SP4: variants seen among roughly 807,000 people sequenced by gnomAD.
SP4 encodes the protein transcription factor Sp4.
SP4 carries 19 observed loss-of-function variants against 72.8 expected under a neutral mutation model. The ratio of observed to expected loss-of-function variants is 0.26; its 90% CI spans 0.18 to 0.38. SP4 has a LOEUF of 0.38. Ranked by LOEUF, SP4 falls within the 10% of genes least tolerant of loss-of-function variation. The pLI, the probability that SP4 is intolerant of heterozygous loss-of-function variation, is 1.00. For synonymous variants in SP4, 395 were observed against 333.1 expected (o/e 1.19, Z -2.02); for missense variants, 1,008 against 926.3 (o/e 1.09, Z -1.14).
intron 5 of SP4, chr7:21,482,563 G>A: frequency 1.7e-6 from 1 of 586,804 alleles, no homozygotes; most frequent in Non-Finnish European, 2.1e-6. Flanking sequence ...CCCTCAGTCA[G>A]AATGGTCAGT....
intron 5 of SP4, among the ~76,000 whole-genome samples, chr7:21,488,850 T>G (rs1562621315): frequency 6.6e-6 from 1 of 152,288 alleles, no homozygotes; most frequent in African/African-American, 2.4e-5. Flanking sequence ...CATATAGATA[T>G]GCACACTTTT....
intron 3 of SP4, among the ~76,000 whole-genome samples, chr7:21,458,700 A>G (rs1157372656): frequency 6.6e-6 from 1 of 152,030 alleles, no homozygotes; most frequent in African/African-American, 2.4e-5. Flanking sequence ...TGGAGGTGAA[A>G]AGCTGAATTC....
intron 3 of SP4, among the ~76,000 whole-genome samples, chr7:21,434,778 G>A (rs1284060077): frequency 6.6e-6 from 1 of 151,272 alleles, no homozygotes; most frequent in Non-Finnish European, 1.5e-5. Context: ...TTTGTAGTCC[G>A]CAGTGTCTGT....
chr7:21,465,829 C>T (rs997988819), intron 3 of SP4, among the ~76,000 whole-genome samples: 1 of 152,070 alleles, frequency 6.6e-6, no homozygotes, highest in African/African-American at 2.4e-5. Flanking sequence ...CACTACTGCA[C>T]TGCAGGCTGG....
chr7:21,501,507 A>G (rs540551885), intron 5 of SP4, among the ~76,000 whole-genome samples: 6 of 152,210 alleles, frequency 3.9e-5, no homozygotes, highest in African/African-American at 1.4e-4. Context: ...GCATTTGTTT[A>G]TTAATAGCTG....
chr7:21,430,471 A>G lies in SP4; in HGVS notation c.1306A>G (p.Ile436Val), dbSNP rs1412029204. The G allele has an allele frequency of 2.9e-5, 47 of 1,614,098 alleles. No homozygotes were observed. The highest frequency in any genetic ancestry group is 3.9e-5 in the Non-Finnish European group (46 of 1,180,048). ...CCAGTCAGGGCAGACGATTCAGACC[A>G]TCCAGCAGCAGCCTTTACAGAATGT... ...QLQSGQTIQTIQQQPLQNVQL... is the reference protein window; with the variant it reads ...QLQSGQTIQTVQQQPLQNVQL... Residue 436 changes from isoleucine (I) to valine (V), a missense_variant, in exon 3 of 6, where the codon ATC (isoleucine) becomes GTC (valine). This residue lies in a region of SP4 where 893 missense variants were observed against 743.3 expected (regional missense o/e 1.20). Coordinates refer to ENST00000222584, the MANE Select transcript of SP4 (RefSeq NM_003112.5).
At position 21,480,753 on chromosome 7, in the gene SP4, G is replaced by A. The variant is rs117819299; in HGVS notation, c.1908-1171G>A. 1.5e-3 allele frequency among the ~76,000 whole-genome samples: 226 copies of A among 152,306 alleles called. 2 individuals carry two copies. In the East Asian group the frequency reaches 0.031, roughly 21 times the overall value. ...TTCTTTCTGGCAAACTAGCCAACCTGTAGTTAAGCCTTTATTTCCAGTGAA... is the reference window on the plus strand; with the variant it reads ...TTCTTTCTGGCAAACTAGCCAACCTATAGTTAAGCCTTTATTTCCAGTGAA... On this transcript the variant is annotated intron_variant, in intron 4 of 5. Transcript: ENST00000222584.
intron 5 of SP4, among the ~76,000 whole-genome samples, chr7:21,486,177 T>C (rs1784807635): frequency 6.7e-6 from 1 of 149,758 alleles, no homozygotes; most frequent in South Asian, 2.1e-4. Context: ...TATTTTTTCT[T>C]GTTTTTTTTT....
At position 21,475,806 on chromosome 7, in the gene SP4, C is replaced by T. The variant is rs1057148614; in HGVS notation, c.1679-1273C>T. 2.6e-5 allele frequency among the ~76,000 whole-genome samples: 4 copies of T among 152,128 alleles called. No homozygotes were observed. In the East Asian group the frequency reaches 7.7e-4, roughly 29 times the overall value. On this transcript the variant is annotated intron_variant, in intron 3 of 5. Transcript: ENST00000222584. ...GTAGCTACCATGTAATGAGCAATTC[C>T]GTGCCAGCACTCTGGTAGAGGATTT...
intron 3 of SP4, chr7:21,471,202 T>A (rs1394475990): frequency 9.8e-6 from 5 of 511,856 alleles, no homozygotes; most frequent in African/African-American, 1.9e-5. Flanking sequence ...CTTTATGTAC[T>A]ATGCTAAGAA....
chr7:21,471,614 A>G (rs1784345356), intron 3 of SP4, among the ~76,000 whole-genome samples: 1 of 151,978 alleles, frequency 6.6e-6, no homozygotes, highest in Non-Finnish European at 1.5e-5. Context: ...CAGGAGGATC[A>G]CTTGAGGTCA....
At chr7:21,458,091 A>T (rs1783830058) in intron 3 of SP4, among the ~76,000 whole-genome samples, 1 of 152,160 alleles carries the variant, frequency 6.6e-6, no homozygotes, top group Non-Finnish European at 1.5e-5. Flanking sequence ...GGCTTTGATT[A>T]TAGCTTTACA....
At chr7:21,491,995 G>C (rs1019931955) in intron 5 of SP4, among the ~76,000 whole-genome samples, 2 of 152,124 alleles carry the variant, frequency 1.3e-5, no homozygotes, top group African/African-American at 4.8e-5. Flanking sequence ...CTTGCCAAAA[G>C]AAATGCTAAA....
At chr7:21,440,704 C>T (rs542561617) in intron 3 of SP4, among the ~76,000 whole-genome samples, 1 of 152,118 alleles carries the variant, frequency 6.6e-6, no homozygotes, top group South Asian at 2.1e-4. Flanking sequence ...CAAAAATTAG[C>T]TGGGCATAGT....
chr7:21,439,880 G>A (rs991268409), intron 3 of SP4, among the ~76,000 whole-genome samples: 50 of 152,212 alleles, frequency 3.3e-4, no homozygotes, highest in African/African-American at 1.1e-3. Context: ...CAGTCTGGGT[G>A]AGAGAGTGAG....
At position 21,430,149 on chromosome 7, in the gene SP4, T is replaced by C; in HGVS notation, c.984T>C (p.Ala328=). The C allele has an allele frequency of 6.2e-7, 1 of 1,614,202 alleles. No individual in the cohort carries two copies. Among genetic ancestry groups the C allele is most frequent in the Non-Finnish European group, 8.5e-7 (1 of 1,180,024 alleles). Residue 328 remains alanine, a synonymous_variant, in exon 3 of 6, where the codon GCT becomes GCC. Transcript: ENST00000222584. ...CCTCCACTACCTGCACAACCACTGC[T>C]TCAACGTCTTTGACAAGCAGTGACA... ...PSSSTTCTTT[A]STSLTSSDTL... is the part of the protein sequence containing the mutation.
Position 21,428,753 on chromosome 7 carries a change from A to G in SP4, c.84A>G (p.Pro28=), listed in dbSNP as rs958900861. Residue 28 remains proline, a synonymous_variant, in exon 2 of 6, where the codon CCA becomes CCG. Transcript: ENST00000222584. ...MATEGGKTSE[P]ENNNKKPKTS... ...CAGAAGGAGGGAAAACCTCTGAGCCAGAGAATAACAATAAAAAACCCAAAA... is the reference window on the plus strand; with the variant it reads ...CAGAAGGAGGGAAAACCTCTGAGCCGGAGAATAACAATAAAAAACCCAAAA... 5 of 1,552,386 alleles carry G rather than the reference A, an allele frequency of 3.2e-6. No homozygotes were observed. The highest frequency in any genetic ancestry group is 2.7e-5 in the African/African-American group (2 of 73,006).
At chr7:21,502,863 A>G (rs1781905012) in intron 5 of SP4, among the ~76,000 whole-genome samples, 1 of 152,176 alleles carries the variant, frequency 6.6e-6, no homozygotes, top group Admixed American at 6.5e-5. Flanking sequence ...CCTAACCCAT[A>G]TAACCAAGAG....
Position 21,429,453 on chromosome 7 carries a change from A to G in SP4, c.288A>G (p.Gln96=). The change falls in exon 3 of 6, where the codon CAA becomes CAG. Residue 96 remains glutamine, a synonymous_variant. Coordinates refer to ENST00000222584, the MANE Select transcript of SP4 (RefSeq NM_003112.5). ...AACAGCTAGAACTGGTAACAACGCA[A>G]CTTGCTGGAAACGCTTGGCAACTTG... ...QPQQLELVTT[Q]LAGNAWQLVA... The G allele has an allele frequency of 1.9e-6, 3 of 1,614,244 alleles. No homozygotes were observed. The highest frequency in any genetic ancestry group is 2.5e-6 in the Non-Finnish European group (3 of 1,180,042).
Sources: gnomAD v4.1 joint callset for allele counts (sites outside exome capture counted in the v4.1 genomes callset) on GRCh38, gnomAD v4.1.1 for gene constraint, gnomAD v4.1.1 regional missense constraint, MANE v1.5 for transcripts, NCBI Gene and HGNC (gene_info 2026-07-23, HGNC 2026-07-21) for gene names.